The following ZFR2 variants were observed in gnomAD, a reference collection of about 807,000 sequenced individuals.
The protein encoded by ZFR2 is zinc finger RNA-binding protein 2.
A neutral mutation model predicts 105.7 loss-of-function variants in ZFR2; 104 were observed. The observed-to-expected ratio is 0.98, with a 90% CI of 0.84 to 1.16. The LOEUF (loss-of-function observed/expected upper bound fraction) is 1.16. ZFR2 is among the 50% of genes most tolerant of loss of function. The pLI is 0.00. For missense variants in ZFR2, 1,425 were observed against 1,355.5 expected (o/e 1.05, Z -0.80); for synonymous variants, 634 against 597.7 (o/e 1.06, Z -0.89).
At chr19:3,843,478 T>C (rs2038154439) in intron 1 of ZFR2, among the ~76,000 whole-genome samples, 1 of 133,238 alleles carries the variant, frequency 7.5e-6, no homozygotes, top group African/African-American at 2.8e-5. Context: ...CTCAAAAAAA[T>C]TGGATGAATG....
chr19:3,867,495 C>T (rs2038446936), intron 1 of ZFR2, among the ~76,000 whole-genome samples: 1 of 151,970 alleles, frequency 6.6e-6, no homozygotes, highest in South Asian at 2.1e-4. Context: ...CCCTCTGAGC[C>T]CTTCTGCCCC....
intron 1 of ZFR2, among the ~76,000 whole-genome samples, chr19:3,852,820 GTTTTGCCCCCAGGAGACACTGGGTGA>G (rs2038255594): frequency 6.6e-6 from 1 of 152,206 alleles, no homozygotes; most frequent in East Asian, 1.9e-4. Flanking sequence ...AAGAGGGCAG[GTTTTGCCCCCAGGAGACACTGGGTGA>G]TGTCTGAGGA....
chr19:3,844,310 GAAT>G (rs376078567), intron 1 of ZFR2, among the ~76,000 whole-genome samples: 2 of 151,824 alleles, frequency 1.3e-5, no homozygotes, highest in Non-Finnish European at 2.9e-5. Flanking sequence ...AGAAATTTCT[GAAT>G]ATTATAGGAA....
At chr19:3,843,862 A>G (rs1449691219) in intron 1 of ZFR2, among the ~76,000 whole-genome samples, 1 of 151,884 alleles carries the variant, frequency 6.6e-6, no homozygotes, top group Non-Finnish European at 1.5e-5. Flanking sequence ...GAAAGAAAAA[A>G]AACAAGTCCT....
rs1433957531 is a variant in ZFR2 at position 3,813,543 on chromosome 19, G to C, written c.2242+277C>G. ...GAAGCAGGTGCCAGCCCTGGGTAAG[G>C]GCAAGGGAGGTGACACGGTGTCGCT... is the stretch of plus-strand genomic sequence containing the variant. On this transcript the variant is annotated intron_variant, in intron 14 of 18. Transcript: ENST00000262961. The surrounding 1 kb of genome is among the most constrained non-coding windows in gnomAD (Gnocchi z 4.4). 6.6e-6 allele frequency among the ~76,000 whole-genome samples: 1 copy of C among 152,196 alleles called. No individual in the cohort carries two copies. Among genetic ancestry groups the C allele is most frequent in the Admixed American group, 6.5e-5 (1 of 15,280 alleles).
In ZFR2 at chr19:3,823,238, C is replaced by T. The variant is rs1490444550; in HGVS notation, c.1371+8G>A. ...CCGGGGCACCAGGACTTGACAGCCT[C>T]GACTTACCTCCTCCACATATTCCGG... On this transcript the variant is annotated splice_region_variant and intron_variant, in intron 8 of 18. Transcript: ENST00000262961. The surrounding 1 kb of genome is among the most constrained non-coding windows in gnomAD (Gnocchi z 5.4). 6 of 1,613,780 alleles carry T rather than the reference C, an allele frequency of 3.7e-6. No individual in the cohort carries two copies. The highest frequency in any genetic ancestry group is 3.3e-5 in the Admixed American group (2 of 60,002).
At chr19:3,862,692 G>A (rs1247720412) in intron 1 of ZFR2, among the ~76,000 whole-genome samples, 3 of 152,202 alleles carry the variant, frequency 2.0e-5, no homozygotes, top group Admixed American at 6.5e-5. Context: ...AGCTCAGACC[G>A]CAAGTCCTGT....
At chr19:3,830,023 T>C (rs1407736324) in intron 5 of ZFR2, among the ~76,000 whole-genome samples, 7 of 152,060 alleles carry the variant, frequency 4.6e-5, no homozygotes, top group Admixed American at 3.3e-4. Flanking sequence ...CACACGGGCC[T>C]GGCGCAGGGA....
At chr19:3,847,767 A>G (rs2038197722) in intron 1 of ZFR2, among the ~76,000 whole-genome samples, 1 of 152,074 alleles carries the variant, frequency 6.6e-6, no homozygotes, top group African/African-American at 2.4e-5. Flanking sequence ...GGCTTATTCT[A>G]GAGTGGCTTC....
At chr19:3,859,064 G>T (rs754639280) in intron 1 of ZFR2, among the ~76,000 whole-genome samples, 1 of 152,092 alleles carries the variant, frequency 6.6e-6, no homozygotes, top group Non-Finnish European at 1.5e-5. Context: ...CATTTGAGCC[G>T]GTGGACAGGG....
At chr19:3,819,023 G>A in intron 12 of ZFR2, 22 bp downstream of exon 12, 1 of 1,608,134 alleles carries the variant, frequency 6.2e-7, no homozygotes, top group Non-Finnish European at 8.5e-7. Flanking sequence ...GCCGGGCCCT[G>A]GGGAAGGGGA....
At chr19:3,817,569 T>TG (rs1568419439) in intron 12 of ZFR2, among the ~76,000 whole-genome samples, 3 of 88,994 alleles carry the variant, frequency 3.4e-5, no homozygotes, top group African/African-American at 1.5e-4. Context: ...AAAATAATGA[T>TG]AATAATAATA....
rs765028168 is a variant in ZFR2, at chr19:3,831,529, G to A, written c.626C>T (p.Ser209Leu). The part of the protein sequence containing the change: ...TAPSYPNYDA[S>L]VYSAASPFYP... The stretch of plus-strand genomic sequence containing the variant: ...GAAAGGGCTGGCAGCGGAGTACACC[G>A]ACGCGTCATAGTTCGGGTAGCTTGG... Residue 209 changes from serine to leucine, a missense_variant, in exon 5 of 19, where the codon TCG becomes TTG. By Grantham distance (145) the Ser-to-Leu change is moderately radical. Transcript: ENST00000262961. 1.3e-5 allele frequency: 20 copies of A among 1,559,958 alleles called. No individual in the cohort carries two copies. The highest frequency in any genetic ancestry group is 9.6e-5 in the East Asian group (4 of 41,764).
At position 3,823,292 on chromosome 19, in the gene ZFR2, G is replaced by A. The variant is rs774597865; in HGVS notation, c.1325C>T (p.Ala442Val). Residue 442 changes from alanine (A) to valine (V), a missense_variant, in exon 8 of 19, where the codon GCG (alanine) becomes GTG (valine). Transcript: ENST00000262961. This position sits in a 1 kb window ranked among gnomAD's most constrained non-coding sequence, Gnocchi z 5.4. ...CACCGGCTGCGCATCAGAGCAGCCC[G>A]CGGGAGCTTCCTTTGAGCCTCCTTG... Reference protein sequence around the residue: ...PTQGGSKEAPAGCSDAQPVGP... With the variant: ...PTQGGSKEAPVGCSDAQPVGP... 19 of 1,613,998 alleles carry A rather than the reference G, an allele frequency of 1.2e-5. No homozygotes were observed. Among genetic ancestry groups the A allele is most frequent in the South Asian group, 7.7e-5 (7 of 91,088 alleles).
At chr19:3,863,230 CA>C (rs1350314301) in intron 1 of ZFR2, among the ~76,000 whole-genome samples, 1 of 152,188 alleles carries the variant, frequency 6.6e-6, no homozygotes, top group African/African-American at 2.4e-5. Flanking sequence ...GGGCTCCCAT[CA>C]GGGGTATTAA....
At chr19:3,807,793 T>TGTGTGTGCAAGCATGTCC (rs1491499166) in intron 17 of ZFR2, among the ~76,000 whole-genome samples, 32 of 147,154 alleles carry the variant, frequency 2.2e-4, no homozygotes, top group Non-Finnish European at 4.0e-4. Flanking sequence ...CATGTGCGCC[T>TGTGTGTGCAAGCATGTCC]GTGTGTGCAA....
intron 11 of ZFR2, among the ~76,000 whole-genome samples, chr19:3,819,956 G>T (rs891799478): frequency 6.6e-6 from 1 of 152,178 alleles, no homozygotes; most frequent in Non-Finnish European, 1.5e-5. Flanking sequence ...CCCCAAGGGA[G>T]GCGACCACCC....
At chr19:3,811,536 CCT>C (rs935785956) in intron 14 of ZFR2, among the ~76,000 whole-genome samples, 170 bp from the exon 15 acceptor site, 2 of 151,774 alleles carry the variant, frequency 1.3e-5, no homozygotes, top group Non-Finnish European at 2.9e-5. Flanking sequence ...CTCACTGCAA[CCT>C]CTGTCTCCGG....
intron 1 of ZFR2, among the ~76,000 whole-genome samples, chr19:3,865,411 G>A (rs1299609357): frequency 6.6e-6 from 1 of 152,044 alleles, no homozygotes; most frequent in Non-Finnish European, 1.5e-5. Context: ...GTCCAGTGTT[G>A]CAATCCCAAC....
Sources: gnomAD v4.1 joint callset for allele counts (sites outside exome capture counted in the v4.1 genomes callset) on GRCh38, gnomAD v4.1.1 for gene constraint, Gnocchi (gnomAD v3.1) non-coding constraint, MANE v1.5 for transcripts, NCBI Gene and HGNC (gene_info 2026-07-23, HGNC 2026-07-21) for gene names.